The following KDM4C variants were observed in gnomAD, a reference collection of about 807,000 sequenced individuals.
KDM4C encodes the protein lysine demethylase 4C.
A neutral mutation model predicts 129.3 loss-of-function variants in KDM4C; 81 were observed. That is an observed-to-expected ratio of 0.63 (90% CI 0.52 to 0.75). The LOEUF (loss-of-function observed/expected upper bound fraction) is 0.75. Among genes scored for constraint, KDM4C ranks in the 30% least tolerant of loss-of-function variants. The probability of loss-of-function intolerance (pLI) is 0.00; values close to 1 mark genes in which losing one functional copy is unlikely to be tolerated. For missense variants in KDM4C, 1,457 were observed against 1,304.0 expected, an observed-to-expected ratio of 1.12 and a Z score of -1.81; for synonymous variants, 573 against 456.1, an observed-to-expected ratio of 1.26 and a Z score of -3.26.
intron 4 of KDM4C, among the ~76,000 whole-genome samples, chr9:6,831,708 T>C (rs945742016): frequency 1.3e-5 from 2 of 152,042 alleles, no homozygotes; most frequent in African/African-American, 4.8e-5. Context: ...TGTCTGAATG[T>C]CTCATGGAAG....
chr9:6,767,835 A>C (rs1329394963), intron 1 of KDM4C, among the ~76,000 whole-genome samples: 1 of 152,270 alleles, frequency 6.6e-6, no homozygotes, highest in South Asian at 2.1e-4. Flanking sequence ...CTCTCAGTCT[A>C]TAATATTCAG....
At chr9:6,786,518 G>T (rs1825533913) in intron 1 of KDM4C, among the ~76,000 whole-genome samples, 1 of 152,190 alleles carries the variant, frequency 6.6e-6, no homozygotes, top group African/African-American at 2.4e-5. Flanking sequence ...TCAGTCAAAA[G>T]AAGGGTAGCA....
At chr9:7,143,101 T>A (rs1401512853) in intron 19 of KDM4C, among the ~76,000 whole-genome samples, 1 of 152,192 alleles carries the variant, frequency 6.6e-6, no homozygotes, top group Non-Finnish European at 1.5e-5. Flanking sequence ...CTATAAAAGC[T>A]AGTCTCAGCT....
At chr9:6,799,821 T>G (rs1341136955) in intron 2 of KDM4C, among the ~76,000 whole-genome samples, 2 of 151,994 alleles carry the variant, frequency 1.3e-5, no homozygotes, top group African/African-American at 2.4e-5. Context: ...TTAAATATAG[T>G]GCCCCTCCCC....
rs184401560 is a variant in KDM4C at position 7,156,573 on chromosome 9, C to T, written c.2782-8665C>T. On this transcript the variant is annotated intron_variant, in intron 19 of 21. Transcript: ENST00000381309. The stretch of plus-strand genomic sequence containing the variant: ...TCCAGTTTCAGCTTTCTACATATGG[C>T]TAGCCAGTTTTCCCAGCACCATTTA... Among the ~76,000 whole-genome samples, 363 of 152,296 alleles carry T rather than the reference C, an allele frequency of 2.4e-3. 2 individuals carry two copies. Among genetic ancestry groups the T allele is most frequent in the East Asian group, 0.017 (87 of 5,188 alleles).
intron 3 of KDM4C, among the ~76,000 whole-genome samples, chr9:6,809,786 C>T (rs1040747593): frequency 3.3e-5 from 5 of 152,094 alleles, no homozygotes; most frequent in Non-Finnish European, 7.4e-5. Context: ...AATGCTTGAA[C>T]CCAGGAGTTC....
chr9:7,045,015 A>G (rs1030968521), intron 15 of KDM4C, among the ~76,000 whole-genome samples: 6 of 152,014 alleles, frequency 3.9e-5, no homozygotes, highest in East Asian at 1.9e-4. Flanking sequence ...GGAATTGTCT[A>G]TTAGATACTG....
At chr9:6,779,589 G>C (rs1563986726) in intron 1 of KDM4C, among the ~76,000 whole-genome samples, 1 of 152,204 alleles carries the variant, frequency 6.6e-6, no homozygotes, top group Admixed American at 6.5e-5. Context: ...AGCAGTGGCA[G>C]TTCCCTTGAC....
At chr9:6,809,251 T>G (rs1177889433) in intron 3 of KDM4C, among the ~76,000 whole-genome samples, 1 of 152,220 alleles carries the variant, frequency 6.6e-6, no homozygotes, top group African/African-American at 2.4e-5. Context: ...ATCGAGAACA[T>G]GAAACTTTCA....
chr9:7,149,221 T>C (rs1437787867), intron 19 of KDM4C, among the ~76,000 whole-genome samples: 1 of 152,254 alleles, frequency 6.6e-6, no homozygotes, highest in East Asian at 1.9e-4. Flanking sequence ...GTCTGGTGTG[T>C]TAGTGCCATC....
In KDM4C at chr9:6,893,399, A is replaced by G. The variant is rs115101597; in HGVS notation, c.921+167A>G. ...TCGATACATTTATTTTACATAGCCA[A>G]TATTACCAATTTTAGCTGAATTTGT... On this transcript the variant is annotated intron_variant, in intron 8 of 21. Coordinates refer to ENST00000381309, the MANE Select transcript of KDM4C (RefSeq NM_015061.6). 8.2e-3 allele frequency: 3,614 copies of G among 441,748 alleles called. 88 individuals carry two copies. Among genetic ancestry groups the G allele is most frequent in the African/African-American group, 0.06 (2,962 of 49,130 alleles). 27.4% of individuals were successfully genotyped at this position (441,748 alleles called of 1,614,324 possible). A position where few individuals can be genotyped will look rare whatever the true frequency, so the allele number is the denominator to read the frequency against.
At chr9:7,157,405 T>C (rs1430507757) in intron 19 of KDM4C, among the ~76,000 whole-genome samples, 1 of 152,162 alleles carries the variant, frequency 6.6e-6, no homozygotes, top group Non-Finnish European at 1.5e-5. Flanking sequence ...ATAGGAGTGG[T>C]GAGGGAGGGC....
chr9:6,880,222 T>A (rs1178566523), intron 6 of KDM4C, among the ~76,000 whole-genome samples, 161 bp downstream of exon 6: 1 of 152,188 alleles, frequency 6.6e-6, no homozygotes, highest in Non-Finnish European at 1.5e-5. Context: ...TGAACAATTT[T>A]AAATTTTTTC....
At chr9:7,013,740 A>T in intron 13 of KDM4C, 48 bp from the exon 14 acceptor site, 1 of 1,559,844 alleles carries the variant, frequency 6.4e-7, no homozygotes, top group Non-Finnish European at 8.8e-7. Flanking sequence ...TAGAATGATG[A>T]GCTCTTTTCC....
rs1044250118 is a variant in KDM4C at position 6,757,982 on chromosome 9, G to A, written c.-239G>A. ...GCGCCCTCGCGCAGGGAGAGCCGGC[G>A]GTGCGCGCGCCTTCGCCGCTGCCTC... On this transcript the variant is annotated 5_prime_UTR_variant, in exon 1 of 22. Coordinates refer to ENST00000381309, the MANE Select transcript of KDM4C (RefSeq NM_015061.6). 1.2e-5 allele frequency: 12 copies of A among 985,274 alleles called. No homozygotes were observed. Among genetic ancestry groups the A allele is most frequent in the African/African-American group, 5.2e-5 (3 of 57,238 alleles). The allele number at this position is 985,274 out of a possible 1,614,324, so 61.0% of individuals were successfully genotyped here. A position where few individuals can be genotyped will look rare whatever the true frequency, so the allele number is the denominator to read the frequency against.
intron 8 of KDM4C, among the ~76,000 whole-genome samples, chr9:6,947,865 T>C (rs1377107697): frequency 3.9e-5 from 6 of 152,158 alleles, no homozygotes; most frequent in Non-Finnish European, 1.5e-5. Context: ...TTATAATGTG[T>C]ATGAAAACTG....
intron 15 of KDM4C, among the ~76,000 whole-genome samples, chr9:7,022,164 A>G (rs998112976): frequency 7.9e-5 from 12 of 152,076 alleles, no homozygotes; most frequent in Non-Finnish European, 1.5e-4. Flanking sequence ...TATAAATTTT[A>G]GGATTTTTTT....
At chr9:6,732,240 C>A in intron 1 of KDM4C, among the ~76,000 whole-genome samples, 1 of 151,470 alleles carries the variant, frequency 6.6e-6, no homozygotes, top group Non-Finnish European at 1.5e-5. Flanking sequence ...TGGTGGGCGC[C>A]TGTAGTCCCA....
intron 19 of KDM4C, among the ~76,000 whole-genome samples, chr9:7,142,818 A>G (rs1352164960): frequency 2.0e-5 from 3 of 152,020 alleles, no homozygotes; most frequent in Non-Finnish European, 4.4e-5. Context: ...TGCTTCTCAT[A>G]TATCCTCCCA....
Sources: gnomAD v4.1 joint callset for allele counts (sites outside exome capture counted in the v4.1 genomes callset) on GRCh38, gnomAD v4.1.1 for gene constraint, MANE v1.5 for transcripts, NCBI Gene and HGNC (gene_info 2026-07-23, HGNC 2026-07-21) for gene names.